Variants in PBX3 observed in about 807,000 individuals in gnomAD.
The protein encoded by PBX3 is PBX homeobox 3.
A neutral mutation model predicts 48.5 loss-of-function variants in PBX3; 14 were observed. The observed-to-expected ratio is 0.29, with a 90% CI of 0.19 to 0.45. The LOEUF (loss-of-function observed/expected upper bound fraction) is 0.45, where lower values mean the gene tolerates loss of function less well. Among genes scored for constraint, PBX3 ranks in the 20% least tolerant of loss-of-function variants. The pLI is 1.00. For synonymous variants in PBX3, 210 were observed against 200.3 expected (o/e 1.05, Z -0.41); for missense variants, 386 against 546.7 (o/e 0.71, Z 2.93).
chr9:125,789,306 A>C (rs1281709187), intron 2 of PBX3, among the ~76,000 whole-genome samples: 1 of 152,236 alleles, frequency 6.6e-6, no homozygotes, highest in African/African-American at 2.4e-5. Context: ...TGTGGGTTAG[A>C]TAGCTAGACA....
intron 2 of PBX3, among the ~76,000 whole-genome samples, chr9:125,890,908 G>A (rs1350802353): frequency 2.0e-5 from 3 of 152,182 alleles, no homozygotes; most frequent in Admixed American, 6.5e-5. Context: ...TGTGTGCACA[G>A]CATTTAATGA....
rs76954833 is a variant in PBX3, at chr9:125,770,972, AC to A, written c.274+22350del. Among the ~76,000 whole-genome samples, 280 of 152,306 alleles carry A rather than the reference AC, an allele frequency of 1.8e-3. 5 individuals carry two copies. The East Asian group carries it at 0.043, about 23-fold the overall frequency. ...GTGTTATTCAAATAATACCAGCCTC[AC>A]ATTTGAATAACAGCAGACATTTTGA... On this transcript the variant is annotated intron_variant, in intron 2 of 8. Coordinates refer to ENST00000373489, the MANE Select transcript of PBX3 (RefSeq NM_006195.6).
At chr9:125,761,811 T>G (rs1475460985) in intron 2 of PBX3, among the ~76,000 whole-genome samples, 2 of 152,078 alleles carry the variant, frequency 1.3e-5, no homozygotes, top group African/African-American at 4.8e-5. Flanking sequence ...GAGACTGAAG[T>G]CTGGTAGTTA....
At chr9:125,836,221 G>C (rs1264713436) in intron 2 of PBX3, among the ~76,000 whole-genome samples, 1 of 152,172 alleles carries the variant, frequency 6.6e-6, no homozygotes, top group Non-Finnish European at 1.5e-5. Context: ...CGAGGCAGGT[G>C]GATCATGAGG....
chr9:125,963,020 C>G lies in PBX3; in HGVS notation c.1131C>G (p.Thr377=), dbSNP rs1163630379. 5 of 1,598,052 alleles carry G rather than the reference C, an allele frequency of 3.1e-6. No individual in the cohort carries two copies. The highest frequency in any genetic ancestry group is 4.3e-6 in the Non-Finnish European group (5 of 1,167,158). ...VGANVQSQVD[T]LRHVINQTGG... The stretch of plus-strand genomic sequence containing the variant: ...TTTTGTCTCACTTCTAGGTGGATAC[C>G]CTCCGTCATGTTATCAATCAGACGG... The change falls in exon 8 of 9, where the codon ACC becomes ACG. Residue 377 remains threonine (T), a synonymous_variant. Transcript: ENST00000373489.
At chr9:125,867,866 T>C (rs1840028271) in intron 2 of PBX3, among the ~76,000 whole-genome samples, 1 of 150,830 alleles carries the variant, frequency 6.6e-6, no homozygotes. Context: ...ATTTGTTTTG[T>C]TTTGCTTTTG....
At chr9:125,791,478 A>G (rs143675483) in intron 2 of PBX3, among the ~76,000 whole-genome samples, 3 of 151,534 alleles carry the variant, frequency 2.0e-5, no homozygotes, top group Non-Finnish European at 4.4e-5. Context: ...ATGGGGGGAG[A>G]TTTCCCTCTT....
At chr9:125,879,316 C>T (rs1464954337) in intron 2 of PBX3, among the ~76,000 whole-genome samples, 2 of 151,980 alleles carry the variant, frequency 1.3e-5, no homozygotes, top group Non-Finnish European at 2.9e-5. Flanking sequence ...CTCCTGACCT[C>T]GTGATCAGCG....
At chr9:125,823,946 C>T (rs771330679) in intron 2 of PBX3, among the ~76,000 whole-genome samples, 44 of 151,910 alleles carry the variant, frequency 2.9e-4, no homozygotes, top group Admixed American at 1.8e-3. Context: ...CATGGTGGCC[C>T]GCACCTGTAG....
Position 125,915,944 on chromosome 9 carries a change from C to G in PBX3, c.516+17C>G, listed in dbSNP as rs765838914. The G allele has an allele frequency of 3.1e-6, 5 of 1,611,114 alleles. No individual in the cohort carries two copies. The highest frequency in any genetic ancestry group is 4.2e-6 in the Non-Finnish European group (5 of 1,179,076). Reference sequence around the variant, plus strand: ...TATGAACAGGTCAGCAGCCGCCACTCTCATAGTCCTACACAAACCCTCTGT... The same window carrying G: ...TATGAACAGGTCAGCAGCCGCCACTGTCATAGTCCTACACAAACCCTCTGT... On this transcript the variant is annotated intron_variant, in intron 3 of 8. Transcript: ENST00000373489.
intron 2 of PBX3, among the ~76,000 whole-genome samples, chr9:125,813,523 C>T (rs940329569): frequency 2.0e-5 from 3 of 152,226 alleles, no homozygotes; most frequent in African/African-American, 7.2e-5. Flanking sequence ...TAACAAGACA[C>T]CCAGAGGATT....
At chr9:125,933,983 GTTC>G (rs1252493387) in intron 4 of PBX3, among the ~76,000 whole-genome samples, 3 of 151,978 alleles carry the variant, frequency 2.0e-5, no homozygotes, top group South Asian at 2.1e-4. Flanking sequence ...AATGCTAACT[GTTC>G]TTCTTTTTGG....
chr9:125,941,034 A>G (rs1016026461), intron 5 of PBX3, among the ~76,000 whole-genome samples: 2 of 152,216 alleles, frequency 1.3e-5, no homozygotes, highest in African/African-American at 4.8e-5. Flanking sequence ...TTGTGGGAGT[A>G]TACATATAAG....
At chr9:125,952,985 C>T (rs1242488581) in intron 5 of PBX3, among the ~76,000 whole-genome samples, 1 of 149,254 alleles carries the variant, frequency 6.7e-6, no homozygotes, top group African/African-American at 2.5e-5. Context: ...AGTATTTTTA[C>T]CAAAATAAAA....
intron 5 of PBX3, among the ~76,000 whole-genome samples, chr9:125,956,860 T>C (rs1465931623): frequency 2.0e-5 from 3 of 152,192 alleles, no homozygotes; most frequent in Non-Finnish European, 4.4e-5. Flanking sequence ...AGTTCAGAGA[T>C]GGAGCAAGCT....
rs146537331 is a variant in PBX3 at position 125,873,685 on chromosome 9, T to C, written c.275-42001T>C. On this transcript the variant is annotated intron_variant, in intron 2 of 8. Transcript: ENST00000373489. ...AGTTTACACCAACACTTAGGAAATA[T>C]GACTAAAGCTTTATATTATTTTTAG... is the stretch of plus-strand genomic sequence containing the variant. 5.8e-4 allele frequency among the ~76,000 whole-genome samples: 89 copies of C among 152,294 alleles called. 2 individuals are homozygous for C. The East Asian group carries it at 9.1e-3, about 15-fold the overall frequency.
chr9:125,763,583 C>A (rs1464162109), intron 2 of PBX3, among the ~76,000 whole-genome samples: 1 of 152,172 alleles, frequency 6.6e-6, no homozygotes, highest in African/African-American at 2.4e-5. Flanking sequence ...GAAATCCACA[C>A]GATTCACCCT....
intron 2 of PBX3, among the ~76,000 whole-genome samples, chr9:125,807,435 AG>A (rs1257766638): frequency 6.6e-6 from 1 of 152,330 alleles, no homozygotes; most frequent in Non-Finnish European, 1.5e-5. Context: ...GGAGGAAGCA[AG>A]TGTTGAGCAT....
chr9:125,952,991 TA>T lies in PBX3; in HGVS notation c.844-7682del, dbSNP rs538418159. 8.0e-3 allele frequency among the ~76,000 whole-genome samples: 1,141 copies of T among 141,788 alleles called. 4 individuals carry two copies. Among genetic ancestry groups the T allele is most frequent in the Middle Eastern group, 0.028 (8 of 286 alleles). The allele number at this position is 141,788 out of a possible 152,430, so 93.0% of individuals were successfully genotyped here. A position where few individuals can be genotyped will look rare whatever the true frequency, so the allele number is the denominator to read the frequency against. ...CAGTGTTTGAGTATTTTTACCAAAATAAAAAAAAAAAGACTCATGGTGTATG... is the reference window on the plus strand; with the variant it reads ...CAGTGTTTGAGTATTTTTACCAAAATAAAAAAAAAAGACTCATGGTGTATG... On this transcript the variant is annotated intron_variant, in intron 5 of 8. Coordinates refer to ENST00000373489, the MANE Select transcript of PBX3 (RefSeq NM_006195.6).
Sources: allele counts gnomAD v4.1 joint callset (sites outside exome capture counted in the v4.1 genomes callset), GRCh38; gene constraint gnomAD v4.1.1; transcripts MANE v1.5; gene names NCBI Gene and HGNC (gene_info 2026-07-23, HGNC 2026-07-21).